ADGRL2: variants seen among roughly 807,000 people sequenced by gnomAD.
ADGRL2 encodes adhesion G protein-coupled receptor L2.
ADGRL2 carries 44 observed loss-of-function variants against 157.4 expected under a neutral mutation model. The observed-to-expected ratio is 0.28, with a 90% confidence interval of 0.22 to 0.36. The LOEUF (loss-of-function observed/expected upper bound fraction) is 0.36. ADGRL2 is among the 10% of genes least tolerant of loss of function. The pLI is 1.00. For synonymous variants in ADGRL2, 585 were observed against 624.7 expected (o/e 0.94, Z 0.95); for missense variants, 1,510 against 1,768.9 (o/e 0.85, Z 2.63).
intron 4 of ADGRL2, among the ~76,000 whole-genome samples, chr1:81,941,319 C>T (rs1192675585): frequency 1.3e-5 from 2 of 151,326 alleles, no homozygotes; most frequent in African/African-American, 4.8e-5. Flanking sequence ...TACTACCTTA[C>T]CCTACTCTTC....
intron 2 of ADGRL2, among the ~76,000 whole-genome samples, chr1:81,838,042 T>C (rs1009286766): frequency 2.6e-5 from 4 of 152,002 alleles, no homozygotes; most frequent in African/African-American, 4.8e-5. Context: ...TGATTTTATA[T>C]GTACTTTTAA....
At chr1:81,978,174 T>A (rs1660708638) in intron 17 of ADGRL2, among the ~76,000 whole-genome samples, 1 of 151,690 alleles carries the variant, frequency 6.6e-6, no homozygotes, top group Admixed American at 6.6e-5. Flanking sequence ...TGTACTATAC[T>A]ACCAAAGGAC....
chr1:81,669,738 C>A (rs514226), intron 3 of ADGRL2, among the ~76,000 whole-genome samples: 40,807 of 151,656 alleles, frequency 0.27, 5,574 homozygotes, highest in Admixed American at 0.35. Context: ...GTCAGGAGAT[C>A]GAGACCATCC....
chr1:81,573,326 G>A (rs2080732862), intron 2 of ADGRL2, among the ~76,000 whole-genome samples: 2 of 152,052 alleles, frequency 1.3e-5, no homozygotes, highest in South Asian at 4.2e-4. Context: ...CCCCAGGTTA[G>A]GCACCTTCTT....
chr1:81,588,679 G>A (rs1456489329), intron 3 of ADGRL2, among the ~76,000 whole-genome samples: 1 of 152,072 alleles, frequency 6.6e-6, no homozygotes, highest in African/African-American at 2.4e-5. Flanking sequence ...TGCTGTACTT[G>A]CCTGTTACAG....
At chr1:81,639,401 G>A (rs1411146492) in intron 3 of ADGRL2, among the ~76,000 whole-genome samples, 1 of 151,948 alleles carries the variant, frequency 6.6e-6, no homozygotes, top group Non-Finnish European at 1.5e-5. Flanking sequence ...AAGACATATA[G>A]ATTAAAAGTA....
intron 1 of ADGRL2, among the ~76,000 whole-genome samples, chr1:81,324,073 T>C (rs1394455405): frequency 2.0e-5 from 3 of 152,180 alleles, no homozygotes; most frequent in Non-Finnish European, 2.9e-5. Context: ...TCTGGTTTTG[T>C]CTGGCTAATG....
intron 1 of ADGRL2, among the ~76,000 whole-genome samples, chr1:81,421,498 G>A (rs1429169420): frequency 1.3e-5 from 2 of 152,142 alleles, no homozygotes; most frequent in Non-Finnish European, 2.9e-5. Flanking sequence ...ATTTATAGTA[G>A]AATACTCATA....
chr1:81,701,208 G>A (rs1300850691), intron 1 of ADGRL2, among the ~76,000 whole-genome samples: 1 of 152,110 alleles, frequency 6.6e-6, no homozygotes, highest in African/African-American at 2.4e-5. Context: ...AAAATAAAAT[G>A]TTTTTGGTTT....
At chr1:81,892,741 G>T (rs573335107) in intron 2 of ADGRL2, among the ~76,000 whole-genome samples, 2 of 152,168 alleles carry the variant, frequency 1.3e-5, no homozygotes, top group East Asian at 3.9e-4. Context: ...ACAATTTTCA[G>T]ATCTTATTAC....
chr1:81,424,388 A>G (rs911035308), intron 1 of ADGRL2, among the ~76,000 whole-genome samples: 4 of 152,206 alleles, frequency 2.6e-5, no homozygotes, highest in Non-Finnish European at 5.9e-5. Context: ...TTTCTAACAG[A>G]CACAATGGTA....
chr1:81,926,580 A>AGTGAT (rs2095112013), intron 3 of ADGRL2, among the ~76,000 whole-genome samples: 1 of 152,064 alleles, frequency 6.6e-6, no homozygotes, highest in Admixed American at 6.6e-5. Context: ...ATTGCTCTTA[A>AGTGAT]GTGATACAGG....
chr1:81,642,248 C>CAAAAAAAAAAAAAAAAAAA (rs35830955), intron 3 of ADGRL2, among the ~76,000 whole-genome samples: 1 of 61,632 alleles, frequency 1.6e-5, no homozygotes. Flanking sequence ...ACTCTGTCTC[C>CAAAAAAAAAAAAAAAAAAA]AAAAAAAAAA....
At chr1:81,462,995 G>C (rs967191867) in intron 2 of ADGRL2, among the ~76,000 whole-genome samples, 1 of 151,326 alleles carries the variant, frequency 6.6e-6, no homozygotes, top group Non-Finnish European at 1.5e-5. Context: ...CACACCTGTA[G>C]TCTCAGGTAC....
At chr1:81,370,918 C>A (rs534670301) in intron 1 of ADGRL2, among the ~76,000 whole-genome samples, 55 of 152,238 alleles carry the variant, frequency 3.6e-4, no homozygotes, top group African/African-American at 1.3e-3. Context: ...CCTTTGAAAA[C>A]TTGTGAAGGA....
At chr1:81,739,653 T>G (rs2085010865) in intron 1 of ADGRL2, among the ~76,000 whole-genome samples, 1 of 152,164 alleles carries the variant, frequency 6.6e-6, no homozygotes, top group Admixed American at 6.5e-5. Context: ...AGCAGATAAA[T>G]TGAGCAAGAG....
intron 1 of ADGRL2, among the ~76,000 whole-genome samples, chr1:81,390,926 T>G (rs1356516947): frequency 6.6e-6 from 1 of 152,304 alleles, no homozygotes; most frequent in South Asian, 2.1e-4. Flanking sequence ...TGAGTATATG[T>G]GGGAACTGCT....
chr1:81,804,692 T>C (rs1222809448), intron 1 of ADGRL2, among the ~76,000 whole-genome samples: 7 of 152,246 alleles, frequency 4.6e-5, no homozygotes, highest in Admixed American at 3.9e-4. Flanking sequence ...TTTTGTTTTA[T>C]GATAGTCACT....
chr1:81,808,170 A>G (rs2089407759), intron 1 of ADGRL2, among the ~76,000 whole-genome samples: 1 of 152,054 alleles, frequency 6.6e-6, no homozygotes, highest in Non-Finnish European at 1.5e-5. Context: ...GAAGTAATAT[A>G]GTTTGTCTTC....
Sources: gnomAD v4.1 joint callset for allele counts (sites outside exome capture counted in the v4.1 genomes callset) on GRCh38, gnomAD v4.1.1 for gene constraint, MANE v1.5 for transcripts, NCBI Gene and HGNC (gene_info 2026-07-23, HGNC 2026-07-21) for gene names.